The following LPP variants were observed in gnomAD, a reference collection of about 807,000 sequenced individuals.
LPP encodes the protein lipoma-preferred partner.
In LPP, 38 loss-of-function variants were observed where a neutral mutation model predicts 60.4. The ratio of observed to expected loss-of-function variants is 0.63; its 90% CI spans 0.49 to 0.83. The LOEUF (loss-of-function observed/expected upper bound fraction) is 0.83, where lower values mean the gene tolerates loss of function less well. Ranked by LOEUF, LPP falls within the 40% of genes least tolerant of loss-of-function variation. LPP has a pLI of 0.00. For synonymous variants in LPP, 328 were observed against 290.8 expected (o/e 1.13, Z -1.30); for missense variants, 902 against 783.6 (o/e 1.15, Z -1.80).
intron 1 of LPP, among the ~76,000 whole-genome samples, chr3:188,205,066 A>G (rs1160977492): frequency 1.3e-5 from 2 of 152,084 alleles, no homozygotes; most frequent in Non-Finnish European, 2.9e-5. Flanking sequence ...CTGCTTTTCC[A>G]TTTGAGTATC....
intron 6 of LPP, among the ~76,000 whole-genome samples, chr3:188,601,856 G>T (rs1841251900): frequency 6.6e-6 from 1 of 151,890 alleles, no homozygotes; most frequent in African/African-American, 2.4e-5. Flanking sequence ...ATCACTTGAG[G>T]TCAGGAGTTC....
At chr3:188,235,530 A>G (rs1721587594) in intron 2 of LPP, among the ~76,000 whole-genome samples, 1 of 152,144 alleles carries the variant, frequency 6.6e-6, no homozygotes, top group South Asian at 2.1e-4. Flanking sequence ...GTTTTTGTGT[A>G]CATTTAAATA....
intron 2 of LPP, among the ~76,000 whole-genome samples, chr3:188,329,926 G>A (rs557817206): frequency 1.3e-5 from 2 of 152,266 alleles, no homozygotes; most frequent in East Asian, 3.9e-4. Context: ...AGAAAATTGT[G>A]CAAGCAATTA....
intron 7 of LPP, among the ~76,000 whole-genome samples, chr3:188,681,170 A>T (rs926052037): frequency 1.5e-4 from 23 of 151,786 alleles, no homozygotes; most frequent in African/African-American, 5.6e-4. Context: ...CTACTTTTGT[A>T]TTTTTAGTAG....
chr3:188,424,752 C>A (rs1788824039), intron 4 of LPP, among the ~76,000 whole-genome samples: 1 of 148,536 alleles, frequency 6.7e-6, no homozygotes, highest in African/African-American at 2.4e-5. Flanking sequence ...AGCTCTCTAT[C>A]ATTGGTTTAT....
intron 4 of LPP, among the ~76,000 whole-genome samples, chr3:188,461,702 G>C (rs1319259885): frequency 6.6e-6 from 1 of 152,080 alleles, no homozygotes; most frequent in African/African-American, 2.4e-5. Flanking sequence ...TTTGACTCAG[G>C]CTTAAATAGC....
chr3:188,391,449 A>C (rs992596174), intron 3 of LPP, among the ~76,000 whole-genome samples: 1 of 152,084 alleles, frequency 6.6e-6, no homozygotes, highest in African/African-American at 2.4e-5. Context: ...ATTATTGCCC[A>C]TAAGGATCTT....
rs1379176688 is a variant in LPP at position 188,875,051 on chromosome 3, T to C, written c.*572T>C. On this transcript the variant is annotated 3_prime_UTR_variant, in exon 12 of 12. Transcript: ENST00000617246. ...TAAAGAATTTAAGCTGTAAATTACATAAGTTAGAACAAGCCCAAATTTAAT... is the reference window on the plus strand; with the variant it reads ...TAAAGAATTTAAGCTGTAAATTACACAAGTTAGAACAAGCCCAAATTTAAT... 2.7e-5 allele frequency: 6 copies of C among 221,692 alleles called. No individual in the cohort carries two copies. In the East Asian group the frequency reaches 4.0e-4, roughly 15 times the overall value. 13.7% of individuals were successfully genotyped at this position (221,692 alleles called of 1,614,324 possible). A position where few individuals can be genotyped will look rare whatever the true frequency, so the allele number is the denominator to read the frequency against.
intron 6 of LPP, among the ~76,000 whole-genome samples, chr3:188,557,985 A>G (rs545042716): frequency 2.7e-5 from 4 of 150,052 alleles, no homozygotes; most frequent in African/African-American, 9.7e-5. Context: ...CAGAAAGAGA[A>G]TGGATGTTAT....
At chr3:188,173,828 G>A (rs564533034) in intron 1 of LPP, among the ~76,000 whole-genome samples, 1 of 152,280 alleles carries the variant, frequency 6.6e-6, no homozygotes, top group East Asian at 1.9e-4. Context: ...ATCAGAAAAG[G>A]ATCTTCAAGA....
At chr3:188,613,526 TG>T (rs1844271514) in intron 7 of LPP, among the ~76,000 whole-genome samples, 1 of 152,112 alleles carries the variant, frequency 6.6e-6, no homozygotes. Context: ...GTAGAAGTGC[TG>T]GGGCTGTGCA....
chr3:188,513,897 A>T (rs1056855730), intron 5 of LPP, among the ~76,000 whole-genome samples: 2 of 152,220 alleles, frequency 1.3e-5, no homozygotes, highest in African/African-American at 4.8e-5. Flanking sequence ...AACAGCAAAG[A>T]TAGTGACAGG....
Position 188,881,139 on chromosome 3 carries a change from CA to C in LPP, c.*6679del, listed in dbSNP as rs11328247. On this transcript the variant is annotated 3_prime_UTR_variant, in exon 12 of 12. Transcript: ENST00000617246. ...TGGGCGAAAGAGCGAGACTCCGTCT[CA>C]AAAAAAAAAAAAAAAAAATAGGATC... is the stretch of plus-strand genomic sequence containing the variant. 38,972 of 72,430 alleles carry C rather than the reference CA, an allele frequency of 0.54. 9,502 individuals are homozygous for C. The highest frequency in any genetic ancestry group is 0.69 in the Middle Eastern group (100 of 144). The allele number at this position is 72,430 out of a possible 1,614,324, so 4.5% of individuals were successfully genotyped here. A position where few individuals can be genotyped will look rare whatever the true frequency, so the allele number is the denominator to read the frequency against.
chr3:188,595,001 A>G (rs1839712861), intron 6 of LPP, among the ~76,000 whole-genome samples: 1 of 152,176 alleles, frequency 6.6e-6, no homozygotes, highest in Non-Finnish European at 1.5e-5. Context: ...ACAGTTCCTG[A>G]TATTTATAAA....
chr3:188,338,862 C>T (rs1175835583), intron 2 of LPP, among the ~76,000 whole-genome samples: 1 of 152,102 alleles, frequency 6.6e-6, no homozygotes, highest in Non-Finnish European at 1.5e-5. Context: ...GGGATGGTTA[C>T]ATTTTGTTGT....
chr3:188,405,990 T>G (rs1469207842), intron 3 of LPP, 122 bp from the exon 4 acceptor site: 1 of 763,794 alleles, frequency 1.3e-6, no homozygotes, highest in Non-Finnish European at 2.0e-6. Flanking sequence ...TCTTTCACCC[T>G]TCTTTCCAGA....
At position 188,511,112 on chromosome 3, in the gene LPP, T is replaced by A. The variant is rs534556305; in HGVS notation, c.307-13553T>A. On this transcript the variant is annotated intron_variant, in intron 5 of 11. Coordinates refer to ENST00000617246, the MANE Select transcript of LPP (RefSeq NM_001375462.1). ...CCCCCCTCCCTCCCTCCCTCCTTCC[T>A]CCTTCCTTCCTACCTGCTTCCCTCC... is the stretch of plus-strand genomic sequence containing the variant. Among the ~76,000 whole-genome samples, 261 of 90,930 alleles carry A rather than the reference T, an allele frequency of 2.9e-3. 1 individual carries two copies. The highest frequency in any genetic ancestry group is 3.8e-3 in the Non-Finnish European group (184 of 48,184). 59.7% of individuals were successfully genotyped at this position (90,930 alleles called of 152,430 possible).
At chr3:188,808,875 C>T (rs763537984) in intron 9 of LPP, among the ~76,000 whole-genome samples, 3 of 152,098 alleles carry the variant, frequency 2.0e-5, no homozygotes, top group African/African-American at 4.8e-5. Context: ...TGTGCTTCTC[C>T]CTGTGTCCAT....
intron 1 of LPP, among the ~76,000 whole-genome samples, chr3:188,201,477 CG>C (rs567303830): frequency 2.0e-5 from 3 of 152,230 alleles, no homozygotes; most frequent in Admixed American, 2.0e-4. Context: ...GCGGCTAAGG[CG>C]GGCGGATCAC....
Sources: gnomAD v4.1 joint callset for allele counts (sites outside exome capture counted in the v4.1 genomes callset) on GRCh38, gnomAD v4.1.1 for gene constraint, MANE v1.5 for transcripts, NCBI Gene and HGNC (gene_info 2026-07-23, HGNC 2026-07-21) for gene names.